RTL4: variants seen among roughly 807,000 people sequenced by gnomAD.
RTL4 encodes retrotransposon Gag-like protein 4.
In RTL4, 4 loss-of-function variants were observed where a neutral mutation model predicts 5.3. That is an observed-to-expected ratio of 0.75 (90% CI 0.37 to 1.72). The LOEUF (loss-of-function observed/expected upper bound fraction) is 1.72, where lower values mean the gene tolerates loss of function less well. RTL4 is among the 40% of genes most tolerant of loss of function. The pLI is 0.04. For synonymous variants in RTL4, 98 were observed against 87.3 expected (o/e 1.12, Z -0.68); for missense variants, 260 against 227.1 (o/e 1.14, Z -0.93).
the RTL4 span, among the ~76,000 whole-genome samples, chrX:112,094,957 C>T: frequency 1.2e-3 from 131 of 110,757 alleles, no homozygotes; most frequent in Admixed American, 5.2e-3. Flanking sequence ...CTAGCTAGTG[C>T]GGATGTAGGG....
the RTL4 span, among the ~76,000 whole-genome samples, chrX:112,204,808 T>C: frequency 1.8e-5 from 2 of 111,258 alleles, no homozygotes; most frequent in Admixed American, 1.9e-4. Flanking sequence ...ACTTATAGAG[T>C]ATAATTGAGT....
At chrX:112,265,527 C>G in the RTL4 span, among the ~76,000 whole-genome samples, 5 of 112,085 alleles carry the variant, frequency 4.5e-5, no homozygotes, top group African/African-American at 1.6e-4. Flanking sequence ...GGAGAATTTG[C>G]AAAGCAGTGA....
the RTL4 span, among the ~76,000 whole-genome samples, chrX:112,322,219 G>A: frequency 9.0e-6 from 1 of 111,308 alleles, no homozygotes; most frequent in African/African-American, 3.3e-5. Flanking sequence ...GAGTCGTACA[G>A]GAAGTTTGTT....
At chrX:112,161,873 C>CTTT in the RTL4 span, among the ~76,000 whole-genome samples, 3,269 of 46,254 alleles carry the variant, frequency 0.071, 364 homozygotes, top group African/African-American at 0.12. Flanking sequence ...TTCTTTCTTT[C>CTTT]CTTCTTTCTT....
chrX:112,379,767 A>T, the RTL4 span, among the ~76,000 whole-genome samples: 1 of 111,543 alleles, frequency 9.0e-6, no homozygotes, highest in Non-Finnish European at 1.9e-5. Flanking sequence ...TGACATGATC[A>T]TAAGTTTTTT....
At chrX:112,197,484 A>C in the RTL4 span, among the ~76,000 whole-genome samples, 1 of 109,797 alleles carries the variant, frequency 9.1e-6, no homozygotes, top group Non-Finnish European at 1.9e-5. Flanking sequence ...TGTAGCCTTT[A>C]CTGGTGTGGG....
chrX:112,155,561 C>T, the RTL4 span, among the ~76,000 whole-genome samples: 1 of 111,036 alleles, frequency 9.0e-6, no homozygotes, highest in Non-Finnish European at 1.9e-5. Context: ...TGGCCACTAG[C>T]CTGCTGATCT....
chrX:112,276,131 AAG>A, the RTL4 span, among the ~76,000 whole-genome samples: 1 of 112,042 alleles, frequency 8.9e-6, no homozygotes, highest in South Asian at 3.7e-4. Context: ...AATTTAAAGA[AAG>A]AGAGCATTTA....
the RTL4 span, among the ~76,000 whole-genome samples, chrX:112,353,325 A>T: frequency 1.8e-5 from 2 of 111,400 alleles, no homozygotes; most frequent in African/African-American, 6.5e-5. Flanking sequence ...CAGCCATCCT[A>T]TTACTGGGCA....
the RTL4 span, among the ~76,000 whole-genome samples, chrX:112,341,947 G>A: frequency 2.7e-5 from 3 of 111,300 alleles, no homozygotes; most frequent in Non-Finnish European, 5.6e-5. Context: ...TATAGTACAC[G>A]GTGCCAGTGA....
chrX:112,260,426 G>C, the RTL4 span, among the ~76,000 whole-genome samples: 2 of 111,699 alleles, frequency 1.8e-5, no homozygotes, highest in Non-Finnish European at 3.8e-5. Flanking sequence ...CAGAACAAAA[G>C]ACTTGGCTAG....
chrX:112,398,651 G>A, the RTL4 span, among the ~76,000 whole-genome samples: 12 of 110,639 alleles, frequency 1.1e-4, no homozygotes, highest in Admixed American at 2.9e-4. Context: ...CGCCCGCCTC[G>A]GCCTCCCAAA....
At chrX:112,391,895 T>A in the RTL4 span, among the ~76,000 whole-genome samples, 3 of 110,760 alleles carry the variant, frequency 2.7e-5, no homozygotes, top group Admixed American at 2.9e-4. Context: ...TCTTTTGTTG[T>A]CTCCTGGGGG....
the RTL4 span, among the ~76,000 whole-genome samples, chrX:112,213,185 T>C: frequency 8.9e-6 from 1 of 112,828 alleles, no homozygotes; most frequent in Non-Finnish European, 1.9e-5. Flanking sequence ...AAAAAATATC[T>C]GGGAGTTTAT....
chrX:112,139,360 T>C, the RTL4 span, among the ~76,000 whole-genome samples: 1 of 111,659 alleles, frequency 9.0e-6, no homozygotes, highest in Non-Finnish European at 1.9e-5. Context: ...CAAGGGGAGA[T>C]AAATTAAATT....
At chrX:112,093,361 C>A in the RTL4 span, among the ~76,000 whole-genome samples, 1 of 111,658 alleles carries the variant, frequency 9.0e-6, no homozygotes, top group Non-Finnish European at 1.9e-5. Context: ...TAATCAGGTT[C>A]AAGTTTATGT....
At chrX:112,083,864 C>T in the RTL4 span, among the ~76,000 whole-genome samples, 1 of 111,209 alleles carries the variant, frequency 9.0e-6, no homozygotes, top group African/African-American at 3.3e-5. Flanking sequence ...AACCTGCAGG[C>T]GCATAGGTCC....
the RTL4 span, among the ~76,000 whole-genome samples, chrX:112,423,111 T>G: frequency 1.2e-4 from 13 of 107,706 alleles, no homozygotes; most frequent in Non-Finnish European, 1.7e-4. Context: ...TCATTGTGTG[T>G]GGGGGGGGGA....
chrX:112,327,115 G>A, the RTL4 span, among the ~76,000 whole-genome samples: 7 of 112,328 alleles, frequency 6.2e-5, no homozygotes, highest in Non-Finnish European at 1.3e-4. Context: ...TCCTCCAAAG[G>A]AACGCAGTTC....
Sources: allele counts gnomAD v4.1 joint callset (sites outside exome capture counted in the v4.1 genomes callset), GRCh38; gene constraint gnomAD v4.1.1; transcripts MANE v1.5; gene names NCBI Gene and HGNC (gene_info 2026-07-23, HGNC 2026-07-21).